Variants in EPB41L2 observed in about 807,000 individuals in gnomAD.
EPB41L2 encodes the protein band 4.1-like protein 2.
EPB41L2 carries 43 observed loss-of-function variants against 113.0 expected under a neutral mutation model. The observed-to-expected ratio is 0.38, with a 90% confidence interval of 0.30 to 0.49. The LOEUF is 0.49. Ranked by LOEUF, EPB41L2 falls within the 20% of genes least tolerant of loss-of-function variation. EPB41L2 has a pLI of 0.95. For missense variants in EPB41L2, 1,147 were observed against 1,223.4 expected (o/e 0.94, Z 0.93); for synonymous variants, 442 against 436.7 (o/e 1.01, Z -0.15).
chr6:131,034,523 C>A (rs1033284157), intron 1 of EPB41L2, among the ~76,000 whole-genome samples: 1 of 152,066 alleles, frequency 6.6e-6, no homozygotes, highest in African/African-American at 2.4e-5. Context: ...CAAATTGAGA[C>A]CCTGTGTCAA....
At chr6:130,865,655 A>G (rs1582833090) in intron 16 of EPB41L2, 21 bp from the exon 17 acceptor site, 2 of 1,607,812 alleles carry the variant, frequency 1.2e-6, no homozygotes. Context: ...TTGGGGGAAA[A>G]ATACAAAGTA....
intron 3 of EPB41L2, among the ~76,000 whole-genome samples, chr6:130,944,723 T>C (rs746760286): frequency 5.3e-5 from 8 of 152,084 alleles, no homozygotes; most frequent in Admixed American, 3.3e-4. Flanking sequence ...TATGTCTGAT[T>C]AGAGGACCAA....
intron 18 of EPB41L2, among the ~76,000 whole-genome samples, chr6:130,858,721 C>A (rs1781060748): frequency 1.3e-5 from 2 of 152,370 alleles, no homozygotes; most frequent in South Asian, 4.1e-4. Flanking sequence ...GAGGACCAGG[C>A]CTTGCTCATC....
At chr6:130,953,261 C>A (rs1353006091) in intron 3 of EPB41L2, among the ~76,000 whole-genome samples, 1 of 152,060 alleles carries the variant, frequency 6.6e-6, no homozygotes, top group African/African-American at 2.4e-5. Flanking sequence ...ATCCCTAAGA[C>A]CTCTCCTCTC....
chr6:130,911,294 G>A (rs541429191), intron 4 of EPB41L2, among the ~76,000 whole-genome samples: 28 of 152,050 alleles, frequency 1.8e-4, no homozygotes, highest in Admixed American at 5.9e-4. Context: ...CTGCATATTC[G>A]CACTCATAAG....
At chr6:131,060,405 G>A (rs1194897142) in intron 1 of EPB41L2, among the ~76,000 whole-genome samples, 1 of 152,246 alleles carries the variant, frequency 6.6e-6, no homozygotes, top group African/African-American at 2.4e-5. Context: ...TATTTTGGTT[G>A]TGGACTGCTT....
At chr6:131,008,629 A>C (rs563436554) in intron 1 of EPB41L2, among the ~76,000 whole-genome samples, 1 of 152,380 alleles carries the variant, frequency 6.6e-6, no homozygotes, top group African/African-American at 2.4e-5. Context: ...ATGCAAGCCC[A>C]TGAAAGCAGC....
intron 19 of EPB41L2, among the ~76,000 whole-genome samples, chr6:130,847,000 T>C (rs1360465675): frequency 6.6e-6 from 1 of 152,204 alleles, no homozygotes; most frequent in Non-Finnish European, 1.5e-5. Flanking sequence ...CTTCATCTAA[T>C]CTAGAAGCTT....
chr6:130,872,203 A>G (rs1242843901), intron 14 of EPB41L2, among the ~76,000 whole-genome samples: 2 of 152,148 alleles, frequency 1.3e-5, no homozygotes, highest in African/African-American at 4.8e-5. Context: ...TCCAATCTAT[A>G]TCTTTTCTTC....
chr6:130,894,013 A>G (rs987191158), intron 10 of EPB41L2, among the ~76,000 whole-genome samples: 5 of 152,150 alleles, frequency 3.3e-5, no homozygotes, highest in Non-Finnish European at 5.9e-5. Flanking sequence ...TCAGTTATAA[A>G]TGACAATGCA....
At chr6:130,997,138 A>C (rs924836732) in intron 1 of EPB41L2, among the ~76,000 whole-genome samples, 2 of 152,194 alleles carry the variant, frequency 1.3e-5, no homozygotes, top group African/African-American at 4.8e-5. Context: ...CTGTTACATT[A>C]GAGGACTTTT....
chr6:130,921,234 C>T (rs962700469), intron 4 of EPB41L2, among the ~76,000 whole-genome samples: 1 of 152,294 alleles, frequency 6.6e-6, no homozygotes, highest in Admixed American at 6.5e-5. Context: ...ACACCATCAA[C>T]AGGTTCTTTC....
intron 19 of EPB41L2, among the ~76,000 whole-genome samples, chr6:130,847,083 T>C (rs1202089389): frequency 6.6e-6 from 1 of 152,252 alleles, no homozygotes; most frequent in Non-Finnish European, 1.5e-5. Flanking sequence ...ATCTGCAATT[T>C]GCCTTCAACA....
chr6:130,982,923 C>G (rs557412935), intron 1 of EPB41L2, among the ~76,000 whole-genome samples: 1 of 152,192 alleles, frequency 6.6e-6, no homozygotes, highest in African/African-American at 2.4e-5. Flanking sequence ...TGGAGTTAGA[C>G]AAACCTGAAT....
intron 11 of EPB41L2, among the ~76,000 whole-genome samples, chr6:130,888,709 G>A (rs773932776): frequency 6.6e-6 from 1 of 152,118 alleles, no homozygotes; most frequent in African/African-American, 2.4e-5. Context: ...ATATTTACAT[G>A]GGTTGGCACA....
At chr6:130,957,724 T>C (rs1562590112) in intron 1 of EPB41L2, among the ~76,000 whole-genome samples, 1 of 152,106 alleles carries the variant, frequency 6.6e-6, no homozygotes, top group Admixed American at 6.5e-5. Flanking sequence ...TATTAAGATA[T>C]AATTCATGTA....
chr6:131,036,428 C>T (rs1793326831), intron 1 of EPB41L2, among the ~76,000 whole-genome samples: 1 of 151,910 alleles, frequency 6.6e-6, no homozygotes, highest in Admixed American at 6.6e-5. Context: ...TCTTAAAGAG[C>T]AGAAGACGGA....
At chr6:130,877,415 G>A (rs1038475813) in intron 14 of EPB41L2, among the ~76,000 whole-genome samples, 3 of 152,170 alleles carry the variant, frequency 2.0e-5, no homozygotes, top group Admixed American at 6.6e-5. Context: ...GAATCCTAGA[G>A]GCACAGATGT....
chr6:130,940,225 C>T (rs1193437690), intron 3 of EPB41L2, among the ~76,000 whole-genome samples: 1 of 152,058 alleles, frequency 6.6e-6, no homozygotes, highest in African/African-American at 2.4e-5. Context: ...AATGCCAAGC[C>T]AAAGAAAGCC....
Sources: allele counts gnomAD v4.1 joint callset (sites outside exome capture counted in the v4.1 genomes callset), GRCh38; gene constraint gnomAD v4.1.1; transcripts MANE v1.5; gene names NCBI Gene and HGNC (gene_info 2026-07-23, HGNC 2026-07-21).